Variants in RUVBL1 observed in about 807,000 individuals in gnomAD.
RUVBL1 encodes ruvB-like 1.
A neutral mutation model predicts 52.4 loss-of-function variants in RUVBL1; 4 were observed. That is an observed-to-expected ratio of 0.08 (90% CI 0.04 to 0.17). The LOEUF (loss-of-function observed/expected upper bound fraction) is 0.17, where lower values mean the gene tolerates loss of function less well. Among genes scored for constraint, RUVBL1 ranks in the 10% least tolerant of loss-of-function variants. RUVBL1 has a pLI of 1.00. For synonymous variants in RUVBL1, 217 were observed against 214.4 expected (o/e 1.01, Z -0.10); for missense variants, 298 against 572.8 (o/e 0.52, Z 4.90).
intron 3 of RUVBL1, among the ~76,000 whole-genome samples, chr3:128,112,116 T>G (rs1053693300): frequency 3.9e-5 from 6 of 152,236 alleles, no homozygotes; most frequent in Non-Finnish European, 8.8e-5. Flanking sequence ...TGCCCAGTGC[T>G]GTGCCAGCAG....
At chr3:128,066,205 T>C (rs1941972860) in intron 9 of RUVBL1, among the ~76,000 whole-genome samples, 1 of 152,104 alleles carries the variant, frequency 6.6e-6, no homozygotes, top group South Asian at 2.1e-4. Flanking sequence ...TGTAAGGAAC[T>C]ATTATAAGGT....
intron 1 of RUVBL1, among the ~76,000 whole-genome samples, chr3:128,143,904 C>T (rs1944067033): frequency 6.6e-6 from 1 of 152,204 alleles, no homozygotes; most frequent in Non-Finnish European, 1.5e-5. Context: ...GGAGTAGGTG[C>T]TGACCACTAC....
chr3:128,096,110 AGC>A, intron 8 of RUVBL1, among the ~76,000 whole-genome samples: 1 of 152,134 alleles, frequency 6.6e-6, no homozygotes, highest in Non-Finnish European at 1.5e-5. Context: ...CACTGCCCTG[AGC>A]ATGCAGCCTC....
chr3:128,113,300 T>TTTTC (rs1943436776), intron 2 of RUVBL1, among the ~76,000 whole-genome samples: 1 of 152,168 alleles, frequency 6.6e-6, no homozygotes, highest in African/African-American at 2.4e-5. Flanking sequence ...AACCAGCCTA[T>TTTTC]GAAATAGACA....
chr3:128,141,038 A>AT (rs1944013374), intron 1 of RUVBL1, among the ~76,000 whole-genome samples: 1 of 152,108 alleles, frequency 6.6e-6, no homozygotes, highest in South Asian at 2.1e-4. Flanking sequence ...TATTGTATTT[A>AT]TTTTTGTGGT....
intron 9 of RUVBL1, chr3:128,075,382 C>G (rs925545696): frequency 3.3e-5 from 5 of 152,212 alleles, no homozygotes; most frequent in Non-Finnish European, 7.3e-5. Flanking sequence ...CAGGCGCTTC[C>G]GGAAAGGGAA....
At chr3:128,128,780 G>A (rs1037402391), upstream of RUVBL1, among the ~76,000 whole-genome samples, 12 of 152,122 alleles carry the variant, frequency 7.9e-5, no homozygotes, top group Non-Finnish European at 5.9e-5. Flanking sequence ...ACTCTCAGGC[G>A]CTACCCTAAG....
intron 2 of RUVBL1, among the ~76,000 whole-genome samples, chr3:128,117,452 C>T (rs1175475447): frequency 6.6e-6 from 1 of 152,122 alleles, no homozygotes; most frequent in Non-Finnish European, 1.5e-5. Context: ...GTCGTGAGAA[C>T]CAAAAATGTC....
intron 3 of RUVBL1, among the ~76,000 whole-genome samples, chr3:128,105,175 C>T (rs1408281336): frequency 1.3e-5 from 2 of 149,226 alleles, no homozygotes; most frequent in Admixed American, 6.7e-5. Context: ...TGCAGTGGCA[C>T]GATCTCGACT....
rs777170930 is a variant in RUVBL1 at position 128,081,218 on chromosome 3, G to A, written c.*32C>T. On this transcript the variant is annotated 3_prime_UTR_variant, in exon 11 of 11. Coordinates refer to ENST00000322623, the MANE Select transcript of RUVBL1 (RefSeq NM_003707.3). The surrounding 1 kb of genome is among the most constrained non-coding windows in gnomAD (Gnocchi z 4.8). ...CTGGACCCAGGCCAGGCACACCTGG[G>A]GAGTCTCTTACTGCTGAAAACCTCA... 17 of 1,601,624 alleles carry A rather than the reference G, an allele frequency of 1.1e-5. No individual in the cohort carries two copies. Among genetic ancestry groups the A allele is most frequent in the Admixed American group, 1.7e-5 (1 of 59,744 alleles).
chr3:128,072,562 T>C (rs542705295), intron 9 of RUVBL1, among the ~76,000 whole-genome samples: 1 of 152,298 alleles, frequency 6.6e-6, no homozygotes, highest in Admixed American at 6.5e-5. Flanking sequence ...CTAGGACACA[T>C]GTGCAGCCAG....
Position 128,082,791 on chromosome 3 carries a change from C to T in RUVBL1, c.1120-217G>A, listed in dbSNP as rs1429904611. The T allele has an allele frequency of 1.7e-5, 8 of 473,938 alleles. No homozygotes were observed. Among genetic ancestry groups the T allele is most frequent in the East Asian group, 8.1e-5 (2 of 24,732 alleles). 29.4% of individuals were successfully genotyped at this position (473,938 alleles called of 1,614,324 possible). A position where few individuals can be genotyped will look rare whatever the true frequency, so the allele number is the denominator to read the frequency against. On this transcript the variant is annotated intron_variant, in intron 9 of 10. Coordinates refer to ENST00000322623, the MANE Select transcript of RUVBL1 (RefSeq NM_003707.3). This position sits in a 1 kb window ranked among gnomAD's most constrained non-coding sequence, Gnocchi z 4.7. ...CCTGCAGTATGCATGAATAGCATCA[C>T]GGCCAGTGTGCTGTATTCAACTGAC...
upstream of RUVBL1, among the ~76,000 whole-genome samples, chr3:128,126,179 C>T (rs1576481471): frequency 6.6e-6 from 1 of 150,646 alleles, no homozygotes. Context: ...TCCATGCCCC[C>T]ACTTCCACCA....
chr3:128,122,721 G>A (rs771418374), intron 1 of RUVBL1, among the ~76,000 whole-genome samples: 3 of 152,218 alleles, frequency 2.0e-5, no homozygotes, highest in Admixed American at 6.5e-5. Context: ...AGGCCAAGGG[G>A]CATGGCTGTG....
chr3:128,070,973 G>A (rs1942149211), intron 9 of RUVBL1: 1 of 152,306 alleles, frequency 6.6e-6, no homozygotes, highest in African/African-American at 2.4e-5. Flanking sequence ...AGACATTGGT[G>A]GGACCAAGGA....
intron 9 of RUVBL1, chr3:128,069,878 A>T (rs1283746496): frequency 1.8e-6 from 1 of 555,160 alleles, no homozygotes; most frequent in African/African-American, 1.9e-5. Context: ...GTGAAATTTT[A>T]TTCAGCCGAC....
rs1193724263 is a variant in RUVBL1 at position 128,104,754 on chromosome 3, G to A, written c.513+19C>T. 1.3e-6 allele frequency: 2 copies of A among 1,588,668 alleles called. No homozygotes were observed. Among genetic ancestry groups the A allele is most frequent in the Non-Finnish European group, 1.7e-6 (2 of 1,159,494 alleles). ...TGCTGGGAGAGTCAAGGGAAAAGAGGCCACATACATGTACTCACTTTCAAC... is the reference window on the plus strand; with the variant it reads ...TGCTGGGAGAGTCAAGGGAAAAGAGACCACATACATGTACTCACTTTCAAC... On this transcript the variant is annotated intron_variant, in intron 4 of 10. Coordinates refer to ENST00000322623, the MANE Select transcript of RUVBL1 (RefSeq NM_003707.3).
At chr3:128,139,821 A>T (rs1943993157) in intron 1 of RUVBL1, among the ~76,000 whole-genome samples, 1 of 152,218 alleles carries the variant, frequency 6.6e-6, no homozygotes, top group Admixed American at 6.5e-5. Context: ...ACTAAAAATT[A>T]AAAGAATTTT....
upstream of RUVBL1, among the ~76,000 whole-genome samples, chr3:128,127,110 A>G (rs1423562324): frequency 1.3e-5 from 2 of 152,196 alleles, no homozygotes; most frequent in Non-Finnish European, 2.9e-5. Flanking sequence ...TTGTTACTTC[A>G]TGGGGAGACT....
Sources: allele counts gnomAD v4.1 joint callset (sites outside exome capture counted in the v4.1 genomes callset), GRCh38; gene constraint gnomAD v4.1.1; non-coding constraint Gnocchi (gnomAD v3.1); transcripts MANE v1.5; gene names NCBI Gene and HGNC (gene_info 2026-07-23, HGNC 2026-07-21).